Variants in FARSB observed in about 807,000 individuals in gnomAD.
The protein encoded by FARSB is phenylalanine--tRNA ligase beta subunit.
In FARSB, 40 loss-of-function variants were observed where a neutral mutation model predicts 69.6. The ratio of observed to expected loss-of-function variants is 0.57; its 90% CI spans 0.45 to 0.75. The LOEUF is 0.75. FARSB is among the 30% of genes least tolerant of loss of function. FARSB has a pLI of 0.00. For synonymous variants in FARSB, 235 were observed against 247.2 expected, an observed-to-expected ratio of 0.95 and a Z score of 0.46; for missense variants, 632 against 722.9, an observed-to-expected ratio of 0.87 and a Z score of 1.44.
At chr2:222,582,371 T>C (rs186972465) in intron 16 of FARSB, among the ~76,000 whole-genome samples, 46 of 152,172 alleles carry the variant, frequency 3.0e-4, no homozygotes, top group Non-Finnish European at 5.9e-4. Context: ...GAAGAGAATA[T>C]GAACACACAC....
At chr2:222,620,202 C>T (rs1691104147) in intron 13 of FARSB, among the ~76,000 whole-genome samples, 1 of 152,226 alleles carries the variant, frequency 6.6e-6, no homozygotes, top group Non-Finnish European at 1.5e-5. Context: ...TTCCCTAAGG[C>T]TGACTTAAAT....
At chr2:222,611,882 C>T (rs1396588819) in intron 15 of FARSB, among the ~76,000 whole-genome samples, 1 of 152,192 alleles carries the variant, frequency 6.6e-6, no homozygotes, top group Non-Finnish European at 1.5e-5. Flanking sequence ...CCCAGCCCCA[C>T]AGAACCGTGC....
chr2:222,612,841 C>G (rs1303670697), intron 15 of FARSB, among the ~76,000 whole-genome samples: 3 of 152,152 alleles, frequency 2.0e-5, no homozygotes, highest in African/African-American at 7.2e-5. Flanking sequence ...TAAATATATA[C>G]TCATTAAATA....
chr2:222,649,797 G>C (rs778968741), intron 1 of FARSB, among the ~76,000 whole-genome samples: 6 of 152,146 alleles, frequency 3.9e-5, no homozygotes, highest in African/African-American at 1.2e-4. Context: ...ATATCCTACT[G>C]TTTAGCTTTT....
intron 2 of FARSB, 123 bp from the exon 3 acceptor site, chr2:222,643,128 G>A (rs1375818609): frequency 1.1e-5 from 6 of 523,470 alleles, no homozygotes; most frequent in Non-Finnish European, 2.0e-5. Flanking sequence ...AAGAACATGG[G>A]ATTATTATAT....
chr2:222,571,879 A>G lies in FARSB; in HGVS notation c.1762T>C (p.Phe588Leu). 6.2e-7 allele frequency: 1 copy of G among 1,612,254 alleles called. No homozygotes were observed. Among genetic ancestry groups the G allele is most frequent in the South Asian group, 1.1e-5 (1 of 90,756 alleles). ...ACCACAGAGACCAATCTTCACAAAA[A>G]GGGTCCAACATTGATTTCTAGGGAG... ...CSSLEINVGPFL is the reference protein window; with the variant it reads ...CSSLEINVGPLL The change falls in exon 17 of 17, where the codon TTT (phenylalanine) becomes CTT (leucine). Residue 588 changes from phenylalanine (F) to leucine (L), a missense_variant. Transcript: ENST00000281828.
intron 8 of FARSB, among the ~76,000 whole-genome samples, chr2:222,631,038 A>G (rs1246314296): frequency 6.6e-6 from 1 of 152,192 alleles, no homozygotes; most frequent in Non-Finnish European, 1.5e-5. Context: ...AAGAAGTCAT[A>G]TGTCATAGAA....
intron 2 of FARSB, among the ~76,000 whole-genome samples, chr2:222,647,456 T>G (rs1486371874): frequency 2.0e-5 from 3 of 152,244 alleles, no homozygotes; most frequent in Non-Finnish European, 4.4e-5. Context: ...TTTTACTGAC[T>G]TGGCATGTTG....
chr2:222,635,990 G>T (rs1691569782), intron 5 of FARSB, among the ~76,000 whole-genome samples: 1 of 151,164 alleles, frequency 6.6e-6, no homozygotes, highest in Admixed American at 6.6e-5. Flanking sequence ...TGAAGTAGGA[G>T]GATCACTTGA....
At chr2:222,613,737 T>C (rs1690918478) in intron 15 of FARSB, 74 bp downstream of exon 15, 4 of 941,430 alleles carry the variant, frequency 4.2e-6, no homozygotes, top group East Asian at 2.4e-5. Context: ...TCTGCTTTTA[T>C]GTATAGTTAA....
At position 222,628,510 on chromosome 2, in the gene FARSB, T is replaced by C. The variant is rs893452405; in HGVS notation, c.900+327A>G. On this transcript the variant is annotated intron_variant, in intron 10 of 16. Transcript: ENST00000281828. ...AGTTAATAGAATAAATCATAGGAAT[T>C]ATGACCACACAATGTTGTTGTATAA... 3.9e-5 allele frequency among the ~76,000 whole-genome samples: 6 copies of C among 152,344 alleles called. No individual in the cohort carries two copies. The East Asian group carries it at 1.2e-3, about 29-fold the overall frequency.
chr2:222,647,421 A>C (rs534506372), intron 2 of FARSB, among the ~76,000 whole-genome samples: 3 of 152,324 alleles, frequency 2.0e-5, no homozygotes, highest in South Asian at 4.1e-4. Flanking sequence ...TCCTCCCCAG[A>C]CCTTGAAATC....
intron 6 of FARSB, among the ~76,000 whole-genome samples, chr2:222,634,104 C>T (rs1207253419): frequency 6.6e-6 from 1 of 152,184 alleles, no homozygotes; most frequent in East Asian, 1.9e-4. Context: ...GTTCTTTATA[C>T]TTGCATGAGT....
Position 222,571,210 on chromosome 2 carries a change from C to A in FARSB, c.*661G>T, listed in dbSNP as rs541789017. ...CAATACTTGTCCATTTTAACTCTTACAGCAGAACAGATCTTTGTTGCATGT... is the reference window on the plus strand; with the variant it reads ...CAATACTTGTCCATTTTAACTCTTAAAGCAGAACAGATCTTTGTTGCATGT... On this transcript the variant is annotated 3_prime_UTR_variant, in exon 17 of 17. Transcript: ENST00000281828. The A allele has an allele frequency of 6.6e-6, 1 of 152,210 alleles. No homozygotes were observed. The highest frequency in any genetic ancestry group is 2.4e-5 in the African/African-American group (1 of 41,444). The allele number at this position is 152,210 out of a possible 1,614,324, so 9.4% of individuals were successfully genotyped here.
At chr2:222,630,466 T>C (rs1020944787) in intron 8 of FARSB, among the ~76,000 whole-genome samples, 3 of 152,206 alleles carry the variant, frequency 2.0e-5, no homozygotes, top group African/African-American at 7.2e-5. Context: ...GGCTAATTAC[T>C]GGAATAAATC....
intron 15 of FARSB, among the ~76,000 whole-genome samples, chr2:222,605,068 G>A (rs917179447): frequency 2.0e-5 from 3 of 151,642 alleles, no homozygotes; most frequent in East Asian, 1.9e-4. Flanking sequence ...GCTATAAGTC[G>A]ACATTAAAAT....
chr2:222,618,816 G>A lies in FARSB; in HGVS notation c.1344+829C>T, dbSNP rs1000728000. On this transcript the variant is annotated intron_variant, in intron 14 of 16. Coordinates refer to ENST00000281828, the MANE Select transcript of FARSB (RefSeq NM_005687.5). ...TGACTTACGAAGGAACTGGGAACAG[G>A]TTTTGATTCATTTATTACAAATGAA... Among the ~76,000 whole-genome samples the A allele has an allele frequency of 1.3e-4, 20 of 152,132 alleles. 1 individual carries two copies. Among genetic ancestry groups the A allele is most frequent in the Admixed American group, 1.1e-3 (17 of 15,272 alleles).
At chr2:222,635,146 A>G (rs1359961052) in intron 5 of FARSB, among the ~76,000 whole-genome samples, 1 of 152,206 alleles carries the variant, frequency 6.6e-6, no homozygotes, top group African/African-American at 2.4e-5. Flanking sequence ...TAATTTTAGG[A>G]AATTACAGCA....
chr2:222,619,617 T>C (rs984144349), intron 14 of FARSB, 28 bp downstream of exon 14: 3 of 1,163,154 alleles, frequency 2.6e-6, no homozygotes, highest in African/African-American at 3.0e-5. Flanking sequence ...GGTTTTTACA[T>C]GAATTCTCAC....
Sources: allele counts gnomAD v4.1 joint callset (sites outside exome capture counted in the v4.1 genomes callset), GRCh38; gene constraint gnomAD v4.1.1; transcripts MANE v1.5; gene names NCBI Gene and HGNC (gene_info 2026-07-23, HGNC 2026-07-21).